Variants in CBL observed in about 807,000 individuals in gnomAD.
CBL encodes the protein Cbl proto-oncogene.
CBL carries 45 observed loss-of-function variants against 96.9 expected under a neutral mutation model. That is an observed-to-expected ratio of 0.46 (90% CI 0.37 to 0.60). CBL has a LOEUF of 0.60. Among genes scored for constraint, CBL ranks in the 20% least tolerant of loss-of-function variants. The pLI is 0.00. For synonymous variants in CBL, 420 were observed against 426.8 expected (o/e 0.98, Z 0.20); for missense variants, 1,024 against 1,143.5 (o/e 0.90, Z 1.51).
chr11:119,261,230 T>C (rs1949751660), intron 2 of CBL, among the ~76,000 whole-genome samples: 1 of 152,144 alleles, frequency 6.6e-6, no homozygotes. Context: ...TTCTTTTCCA[T>C]GGAACATTTA....
chr11:119,289,153 C>T (rs943109906), intron 12 of CBL, among the ~76,000 whole-genome samples: 1 of 152,078 alleles, frequency 6.6e-6, no homozygotes. Context: ...GTGTATTTTG[C>T]AGTTTTTGGG....
chr11:119,262,191 C>T (rs908155696), intron 2 of CBL, among the ~76,000 whole-genome samples: 2 of 152,158 alleles, frequency 1.3e-5, no homozygotes, highest in Admixed American at 6.5e-5. Flanking sequence ...GACAGACAGA[C>T]ACACTGAGAG....
intron 3 of CBL, among the ~76,000 whole-genome samples, chr11:119,272,771 T>C (rs1949858874): frequency 6.6e-6 from 1 of 152,192 alleles, no homozygotes; most frequent in South Asian, 2.1e-4. Flanking sequence ...ATTTCTGATT[T>C]ACCCATTTTC....
intron 1 of CBL, among the ~76,000 whole-genome samples, chr11:119,223,971 A>T (rs1189519123): frequency 6.6e-6 from 1 of 152,152 alleles, no homozygotes; most frequent in Non-Finnish European, 1.5e-5. Context: ...AAAAAAGAGT[A>T]CCTACCTGTA....
At chr11:119,268,108 C>G (rs184938854) in intron 2 of CBL, among the ~76,000 whole-genome samples, 6 of 152,270 alleles carry the variant, frequency 3.9e-5, no homozygotes, top group Admixed American at 6.5e-5. Context: ...AGATCCAGGT[C>G]AATGGAAAGC....
chr11:119,242,828 TCTA>T (rs1306657233), intron 2 of CBL, among the ~76,000 whole-genome samples: 4 of 151,064 alleles, frequency 2.6e-5, no homozygotes, highest in South Asian at 4.2e-4. Context: ...AAATGGCAAA[TCTA>T]CTTTTTTTTA....
intron 12 of CBL, among the ~76,000 whole-genome samples, chr11:119,290,326 G>A (rs539278081): frequency 6.6e-6 from 1 of 151,834 alleles, no homozygotes; most frequent in South Asian, 2.1e-4. Flanking sequence ...GATTATAGGC[G>A]AAAGCCACTG....
chr11:119,302,766 G>C lies in CBL; in HGVS notation c.*2985G>C, dbSNP rs2135324403. ...TGGGCTCTTCATATACCTCCCTTTAGTTAAGTAATAGACCAGGCAGCTTCT... is the reference window on the plus strand; with the variant it reads ...TGGGCTCTTCATATACCTCCCTTTACTTAAGTAATAGACCAGGCAGCTTCT... On this transcript the variant is annotated 3_prime_UTR_variant, in exon 16 of 16. Transcript: ENST00000264033. The C allele has an allele frequency of 4.3e-6, 1 of 230,998 alleles. No individual in the cohort carries two copies. Among genetic ancestry groups the C allele is most frequent in the South Asian group, 1.8e-4 (1 of 5,504 alleles). 14.3% of individuals were successfully genotyped at this position (230,998 alleles called of 1,614,324 possible).
chr11:119,212,705 T>G (rs947340331), intron 1 of CBL, among the ~76,000 whole-genome samples: 1 of 151,774 alleles, frequency 6.6e-6, no homozygotes, highest in African/African-American at 2.4e-5. Flanking sequence ...ACTAGTAGTA[T>G]TTTTAAAAAT....
chr11:119,260,931 A>C (rs1949749047), intron 2 of CBL, among the ~76,000 whole-genome samples: 1 of 100,782 alleles, frequency 9.9e-6, no homozygotes, highest in South Asian at 3.3e-4. Context: ...TTGGCAGTTA[A>C]ATCTCTACTT....
chr11:119,250,078 G>A (rs1333996420), intron 2 of CBL, among the ~76,000 whole-genome samples: 1 of 151,806 alleles, frequency 6.6e-6, no homozygotes, highest in Non-Finnish European at 1.5e-5. Flanking sequence ...TTGAGTGGAT[G>A]CCAGACATCG....
chr11:119,260,819 C>A (rs1376368110), intron 2 of CBL, among the ~76,000 whole-genome samples: 4 of 151,952 alleles, frequency 2.6e-5, no homozygotes, highest in Non-Finnish European at 4.4e-5. Context: ...CATTCACCTT[C>A]TACATTGCTA....
chr11:119,297,090 C>A (rs1950069120), intron 13 of CBL, 56 bp downstream of exon 13: 1 of 899,026 alleles, frequency 1.1e-6, no homozygotes, highest in Admixed American at 1.7e-5. Context: ...TAATTGACAC[C>A]CTTCACCTGC....
intron 9 of CBL, among the ~76,000 whole-genome samples, chr11:119,279,242 C>T (rs1384907698): frequency 4.0e-5 from 6 of 151,720 alleles, no homozygotes; most frequent in Admixed American, 3.9e-4. Flanking sequence ...ATAGCTCATG[C>T]CTATAATCCC....
chr11:119,274,004 A>G lies in CBL; in HGVS notation c.727A>G (p.Ile243Val). 1.2e-6 allele frequency: 2 copies of G among 1,613,472 alleles called. No individual in the cohort carries two copies. The highest frequency in any genetic ancestry group is 1.7e-6 in the Non-Finnish European group (2 of 1,179,920). ...NDYISVFEFD[I>V]FTRLFQPWSS... Reference sequence around the variant, plus strand: ...TTATATTTCGGTTTTTGAATTTGACATCTTTACCCGACTCTTTCAGGTAGG... The same window carrying G: ...TTATATTTCGGTTTTTGAATTTGACGTCTTTACCCGACTCTTTCAGGTAGG... The change falls in exon 4 of 16, where the codon ATC becomes GTC. Residue 243 changes from isoleucine to valine, a missense_variant. Physicochemically the swap from Ile to Val is conservative, Grantham distance 29 (BLOSUM62 3). Around this residue, in one of 4 missense-constraint regions of CBL, gnomAD observed 192 missense variants for 321.8 expected, o/e 0.60. Coordinates refer to ENST00000264033, the MANE Select transcript of CBL (RefSeq NM_005188.4).
intron 1 of CBL, among the ~76,000 whole-genome samples, chr11:119,208,706 A>G (rs1949294362): frequency 6.6e-6 from 1 of 152,156 alleles, no homozygotes; most frequent in African/African-American, 2.4e-5. Context: ...TTCTTAAAGA[A>G]TAAGAGTATT....
At chr11:119,279,743 A>G (rs536262455) in intron 9 of CBL, among the ~76,000 whole-genome samples, 99 of 152,376 alleles carry the variant, frequency 6.5e-4, no homozygotes, top group Non-Finnish European at 1.2e-3. Flanking sequence ...CTGGATGACT[A>G]CATACCAAAC....
At chr11:119,216,706 G>T (rs949067048) in intron 1 of CBL, among the ~76,000 whole-genome samples, 2 of 152,112 alleles carry the variant, frequency 1.3e-5, no homozygotes, top group African/African-American at 2.4e-5. Flanking sequence ...CATAACTGTA[G>T]CAATCTTTGA....
intron 2 of CBL, among the ~76,000 whole-genome samples, chr11:119,243,580 A>G (rs1158974303): frequency 6.6e-6 from 1 of 151,466 alleles, no homozygotes; most frequent in Non-Finnish European, 1.5e-5. Flanking sequence ...AGGCTATAGA[A>G]TTGTATGTTT....
Sources: gnomAD v4.1 joint callset for allele counts (sites outside exome capture counted in the v4.1 genomes callset) on GRCh38, gnomAD v4.1.1 for gene constraint, gnomAD v4.1.1 regional missense constraint, MANE v1.5 for transcripts, NCBI Gene and HGNC (gene_info 2026-07-23, HGNC 2026-07-21) for gene names.